Variants in STK3 observed in about 807,000 individuals in gnomAD.
STK3 encodes serine/threonine-protein kinase 3.
STK3 carries 41 observed loss-of-function variants against 58.0 expected under a neutral mutation model. The observed-to-expected ratio is 0.71, with a 90% CI of 0.55 to 0.92. The LOEUF (loss-of-function observed/expected upper bound fraction) is 0.92, where lower values mean the gene tolerates loss of function less well. Ranked by LOEUF, STK3 falls within the 40% of genes least tolerant of loss-of-function variation. STK3 has a pLI of 0.00. For missense variants in STK3, 479 were observed against 602.7 expected, an observed-to-expected ratio of 0.79 and a Z score of 2.15; for synonymous variants, 170 against 191.0, an observed-to-expected ratio of 0.89 and a Z score of 0.91.
intron 1 of STK3, among the ~76,000 whole-genome samples, chr8:98,893,517 AAAGAAAG>A (rs1372690172): frequency 2.1e-5 from 3 of 142,542 alleles, no homozygotes; most frequent in Admixed American, 2.1e-4. Flanking sequence ...AGAAAGAAAG[AAAGAAAG>A]AAAGAAAGAA....
At chr8:98,719,218 T>C (rs1478713718) in intron 4 of STK3, among the ~76,000 whole-genome samples, 1 of 152,160 alleles carries the variant, frequency 6.6e-6, no homozygotes, top group East Asian at 1.9e-4. Flanking sequence ...TCCTCCACTC[T>C]TTGTATAAAG....
At position 98,484,533 on chromosome 8, in the gene STK3, G is replaced by C. The variant is rs140851906; in HGVS notation, c.1318-28533C>G. On this transcript the variant is annotated intron_variant, in intron 10 of 10. Coordinates refer to ENST00000419617, the MANE Select transcript of STK3 (RefSeq NM_006281.4). The stretch of plus-strand genomic sequence containing the variant: ...GTCCACATTAAATTAGAATATAACA[G>C]TACAAGTTTATGGACTTTTTACATC... Among the ~76,000 whole-genome samples the C allele has an allele frequency of 2.8e-3, 426 of 152,106 alleles. 8 individuals carry two copies. The highest frequency in any genetic ancestry group is 0.018 in the South Asian group (86 of 4,820).
At chr8:98,513,220 C>G (rs192986060) in intron 10 of STK3, among the ~76,000 whole-genome samples, 1 of 152,084 alleles carries the variant, frequency 6.6e-6, no homozygotes, top group Non-Finnish European at 1.5e-5. Flanking sequence ...CCAAATGGGG[C>G]CAAATCGCCA....
At chr8:98,610,617 T>C (rs1817120173) in intron 6 of STK3, among the ~76,000 whole-genome samples, 1 of 152,184 alleles carries the variant, frequency 6.6e-6, no homozygotes, top group Non-Finnish European at 1.5e-5. Flanking sequence ...CCTGGTGCAG[T>C]CTGTCCTAAT....
intron 3 of STK3, among the ~76,000 whole-genome samples, chr8:98,857,256 A>G (rs1440867706): frequency 6.6e-6 from 1 of 152,198 alleles, no homozygotes; most frequent in African/African-American, 2.4e-5. Flanking sequence ...ACAAACAATA[A>G]CCAAATCCAC....
chr8:98,389,989 ACT>A (rs1817833486), upstream of STK3, among the ~76,000 whole-genome samples: 1 of 151,928 alleles, frequency 6.6e-6, no homozygotes, highest in African/African-American at 2.4e-5. Context: ...TCCCCACAGC[ACT>A]GAGTTTTAGA....
the STK3 span, among the ~76,000 whole-genome samples, chr8:98,353,052 G>A: frequency 6.6e-6 from 1 of 152,212 alleles, no homozygotes; most frequent in Non-Finnish European, 1.5e-5. Context: ...ACCACTGATT[G>A]TCCATATGGA....
chr8:98,440,552 A>G (rs1486691069), intron 1 of STK3, among the ~76,000 whole-genome samples: 1 of 135,512 alleles, frequency 7.4e-6, no homozygotes, highest in Admixed American at 8.1e-5. Context: ...ATTCAATTTT[A>G]TTACATAAGC....
At chr8:98,865,430 G>A (rs959307802) in intron 3 of STK3, among the ~76,000 whole-genome samples, 2 of 151,972 alleles carry the variant, frequency 1.3e-5, no homozygotes, top group Non-Finnish European at 1.5e-5. Context: ...GGAGTGCAAT[G>A]GCATGATATC....
chr8:98,853,438 C>T lies in STK3; in HGVS notation c.110+30209G>A, dbSNP rs548288023. 7.9e-5 allele frequency among the ~76,000 whole-genome samples: 12 copies of T among 152,268 alleles called. No homozygotes were observed. The East Asian group carries it at 2.3e-3, about 29-fold the overall frequency. On this transcript the variant is annotated intron_variant, in intron 3 of 12. Coordinates refer to the STK3 transcript ENST00000523601. ...CTGGTCTGTCTGCCTAAGCCTTGGT[C>T]TGTGTTTTCTTCTATTGCTGTTTTC...
the STK3 span, among the ~76,000 whole-genome samples, chr8:98,360,745 C>T: frequency 6.6e-6 from 1 of 152,132 alleles, no homozygotes; most frequent in African/African-American, 2.4e-5. Context: ...GGCATCATCT[C>T]TGTTTAACTA....
At chr8:98,672,758 G>C (rs1302915230) in intron 6 of STK3, among the ~76,000 whole-genome samples, 1 of 152,164 alleles carries the variant, frequency 6.6e-6, no homozygotes, top group Non-Finnish European at 1.5e-5. Context: ...AAAGAAAAAA[G>C]TGAAAAGTTA....
chr8:98,773,170 A>G (rs1293895492), intron 2 of STK3, among the ~76,000 whole-genome samples: 2 of 151,872 alleles, frequency 1.3e-5, no homozygotes, highest in African/African-American at 2.4e-5. Flanking sequence ...TAATCCCTCT[A>G]TGTCCTTTCT....
At chr8:98,609,637 T>C (rs1817029676) in intron 6 of STK3, among the ~76,000 whole-genome samples, 2 of 152,234 alleles carry the variant, frequency 1.3e-5, no homozygotes, top group African/African-American at 4.8e-5. Flanking sequence ...TTGCCTTGAA[T>C]GTATCAGAAA....
rs531436938 is a variant in STK3 at position 98,648,823 on chromosome 8, G to A, written c.685-52654C>T. On this transcript the variant is annotated intron_variant, in intron 6 of 10. Transcript: ENST00000419617. ...AGGAGAATCACTTGAACCTGGAGGC[G>A]GAAGTTGCAGTGAGCCAAGATTGTG... Among the ~76,000 whole-genome samples, 9 of 151,534 alleles carry A rather than the reference G, an allele frequency of 5.9e-5. No individual in the cohort carries two copies. In the South Asian group the frequency reaches 1.7e-3, roughly 28 times the overall value.
intron 4 of STK3, among the ~76,000 whole-genome samples, chr8:98,726,381 G>A (rs1350416087): frequency 1.3e-5 from 2 of 152,232 alleles, no homozygotes; most frequent in Non-Finnish European, 2.9e-5. Context: ...TAGAAAAGAT[G>A]TAATGAAGCG....
chr8:98,869,431 TAAATA>T (rs971483442), intron 3 of STK3, among the ~76,000 whole-genome samples: 3 of 152,062 alleles, frequency 2.0e-5, no homozygotes, highest in South Asian at 4.1e-4. Flanking sequence ...AAAAAATAAA[TAAATA>T]AAATAAAATA....
chr8:98,753,463 C>G (rs1484624391), intron 3 of STK3, among the ~76,000 whole-genome samples: 3 of 151,816 alleles, frequency 2.0e-5, no homozygotes, highest in Non-Finnish European at 2.9e-5. Flanking sequence ...CACACTGGGG[C>G]CTATCAGAAG....
chr8:98,818,620 T>C (rs1361434617), intron 1 of STK3, among the ~76,000 whole-genome samples: 1 of 152,082 alleles, frequency 6.6e-6, no homozygotes, highest in Non-Finnish European at 1.5e-5. Flanking sequence ...TTCACCTCTA[T>C]ACTAAGATGT....
Sources: gnomAD v4.1 joint callset for allele counts (sites outside exome capture counted in the v4.1 genomes callset) on GRCh38, gnomAD v4.1.1 for gene constraint, MANE v1.5 for transcripts, NCBI Gene and HGNC (gene_info 2026-07-23, HGNC 2026-07-21) for gene names.